The following MYBPC1 variants were observed in gnomAD, a reference collection of about 807,000 sequenced individuals.
The protein encoded by MYBPC1 is myosin-binding protein C, slow-type.
MYBPC1 carries 52 observed loss-of-function variants against 147.1 expected under a neutral mutation model. That is an observed-to-expected ratio of 0.35 (90% CI 0.28 to 0.45). The LOEUF is 0.45. Among genes scored for constraint, MYBPC1 ranks in the 20% least tolerant of loss-of-function variants. The pLI, the probability that MYBPC1 is intolerant of heterozygous loss-of-function variation, is 1.00. For synonymous variants in MYBPC1, 477 were observed against 475.9 expected (o/e 1.00, Z -0.03); for missense variants, 1,228 against 1,440.3 (o/e 0.85, Z 2.39).
At chr12:101,672,898 A>G (rs11110951) in intron 24 of MYBPC1, among the ~76,000 whole-genome samples, 32,256 of 152,190 alleles carry the variant, frequency 0.21, 3,859 homozygotes, top group Middle Eastern at 0.34. Flanking sequence ...TATTGGGCAG[A>G]AGCTTTCTCA....
At chr12:101,633,710 T>G (rs1593796740) in intron 8 of MYBPC1, among the ~76,000 whole-genome samples, 1 of 149,818 alleles carries the variant, frequency 6.7e-6, no homozygotes, top group Admixed American at 6.6e-5. Flanking sequence ...AAGGACGAGC[T>G]CTTCGGTTAA....
intron 3 of MYBPC1, among the ~76,000 whole-genome samples, chr12:101,626,402 A>G (rs551788287): frequency 7.2e-5 from 11 of 152,314 alleles, no homozygotes; most frequent in African/African-American, 2.6e-4. Context: ...AAATACTGAG[A>G]GCAATTAATC....
At chr12:101,648,207 A>G (rs980302483) in intron 14 of MYBPC1, 57 bp downstream of exon 14, 33 of 1,230,284 alleles carry the variant, frequency 2.7e-5, no homozygotes, top group Non-Finnish European at 3.7e-5. Flanking sequence ...TTGGACCTTC[A>G]TAGTTGATAG....
chr12:101,667,637 T>C (rs1012062831), intron 22 of MYBPC1, 95 bp from the exon 23 acceptor site: 10 of 1,406,762 alleles, frequency 7.1e-6, no homozygotes, highest in Non-Finnish European at 1.0e-5. Context: ...TTATTATGAG[T>C]AAAATACTAA....
chr12:101,636,954 T>C, intron 10 of MYBPC1: 1 of 373,196 alleles, frequency 2.7e-6, no homozygotes, highest in Non-Finnish European at 4.7e-6. Flanking sequence ...AAATGTTTCA[T>C]GACTCTTCAC....
At chr12:101,618,854 C>CGTGTGTGTGTGTGT (rs35811344) in intron 3 of MYBPC1, among the ~76,000 whole-genome samples, 6 of 136,798 alleles carry the variant, frequency 4.4e-5, no homozygotes, top group African/African-American at 1.6e-4. Context: ...CAAAAACTGC[C>CGTGTGTGTGTGTGT]GTGTGTGTGT....
At chr12:101,623,673 AT>A (rs988329879) in intron 3 of MYBPC1, among the ~76,000 whole-genome samples, 2 of 152,212 alleles carry the variant, frequency 1.3e-5, no homozygotes, top group African/African-American at 4.8e-5. Flanking sequence ...ACTTGATTGA[AT>A]TTTAACTTCA....
At chr12:101,659,975 C>T in intron 19 of MYBPC1, 144 bp downstream of exon 19, 2 of 1,089,356 alleles carry the variant, frequency 1.8e-6, no homozygotes, top group African/African-American at 1.6e-5. Flanking sequence ...GAGGACTTAT[C>T]ATTGGAGAAA....
intron 26 of MYBPC1, among the ~76,000 whole-genome samples, chr12:101,676,977 A>G (rs60848915): frequency 6.6e-6 from 1 of 152,330 alleles, no homozygotes; most frequent in Non-Finnish European, 1.5e-5. Flanking sequence ...AGTAGATGGC[A>G]ACTAGGGTAT....
In MYBPC1 at chr12:101,662,565, G is replaced by C. The variant is rs752852431; in HGVS notation, c.2221+19G>C. 5.0e-6 allele frequency: 8 copies of C among 1,611,930 alleles called. No individual in the cohort carries two copies. In the Admixed American group the frequency reaches 8.3e-5, roughly 17 times the overall value. On this transcript the variant is annotated intron_variant, in intron 21 of 31. Transcript: ENST00000361466. Reference sequence around the variant, plus strand: ...CCTTTGGGTAAGTCAAGAGAGATGAGTCTTTGTCATCAGAATCATTGCCCC... The same window carrying C: ...CCTTTGGGTAAGTCAAGAGAGATGACTCTTTGTCATCAGAATCATTGCCCC...
intron 26 of MYBPC1, among the ~76,000 whole-genome samples, chr12:101,676,570 C>T (rs1900036125): frequency 6.6e-6 from 1 of 151,970 alleles, no homozygotes; most frequent in Non-Finnish European, 1.5e-5. Flanking sequence ...GCCTGGACAA[C>T]ATAGGGAGAC....
At chr12:101,600,299 A>C (rs1297315617) in intron 1 of MYBPC1, 2 of 151,012 alleles carry the variant, frequency 1.3e-5, no homozygotes, top group Non-Finnish European at 2.9e-5. Flanking sequence ...CAGCCTTGAA[A>C]CTTTTTTTTT....
At chr12:101,665,245 C>G (rs538963194) in intron 22 of MYBPC1, among the ~76,000 whole-genome samples, 1 of 152,038 alleles carries the variant, frequency 6.6e-6, no homozygotes, top group Non-Finnish European at 1.5e-5. Context: ...TGCCGAGTAA[C>G]GTTCTGGAAT....
intron 2 of MYBPC1, 80 bp from the exon 3 acceptor site, chr12:101,617,122 C>A (rs1352784173): frequency 7.6e-7 from 1 of 1,311,372 alleles, no homozygotes; most frequent in African/African-American, 1.4e-5. Flanking sequence ...TTTCTTCCCT[C>A]CCCCTCTCCA....
intron 3 of MYBPC1, among the ~76,000 whole-genome samples, chr12:101,623,447 A>C (rs557359941): frequency 6.6e-6 from 1 of 152,340 alleles, no homozygotes; most frequent in East Asian, 1.9e-4. Context: ...GTATCAATCA[A>C]TTTTTTAAAG....
At chr12:101,634,366 C>G (rs1890576774) in intron 8 of MYBPC1, among the ~76,000 whole-genome samples, 188 bp from the exon 9 acceptor site, 1 of 152,144 alleles carries the variant, frequency 6.6e-6, no homozygotes, top group Non-Finnish European at 1.5e-5. Context: ...CCCAAGGTCC[C>G]TTCATTGGTT....
intron 3 of MYBPC1, among the ~76,000 whole-genome samples, chr12:101,623,125 G>T (rs1887811976): frequency 6.6e-6 from 1 of 152,182 alleles, no homozygotes; most frequent in Non-Finnish European, 1.5e-5. Context: ...GATTGCCTGA[G>T]CCCAGGAGTT....
At chr12:101,628,470 G>A (rs1488215421) in intron 5 of MYBPC1, among the ~76,000 whole-genome samples, 1 of 152,102 alleles carries the variant, frequency 6.6e-6, no homozygotes, top group African/African-American at 2.4e-5. Context: ...GAAAATGATG[G>A]CCTACTACTA....
At position 101,606,957 on chromosome 12, in the gene MYBPC1, TG is replaced by T. The variant is rs1196865580; in HGVS notation, c.26-7536del. Among the ~76,000 whole-genome samples the T allele has an allele frequency of 2.0e-5, 3 of 152,102 alleles. No homozygotes were observed. In the East Asian group the frequency reaches 5.8e-4, roughly 29 times the overall value. On this transcript the variant is annotated intron_variant, in intron 1 of 31. Transcript: ENST00000361466. ...TTCCCACCTCAGCCTCCAAAGTAGC[TG>T]GGACCACAGGCACACATCACCATGC...
Sources: allele counts gnomAD v4.1 joint callset (sites outside exome capture counted in the v4.1 genomes callset), GRCh38; gene constraint gnomAD v4.1.1; transcripts MANE v1.5; gene names NCBI Gene and HGNC (gene_info 2026-07-23, HGNC 2026-07-21).